Variants in BMP7 observed in about 807,000 individuals in gnomAD.
BMP7 encodes bone morphogenetic protein 7.
A neutral mutation model predicts 41.2 loss-of-function variants in BMP7; 12 were observed. The ratio of observed to expected loss-of-function variants is 0.29; its 90% CI spans 0.19 to 0.47. BMP7 has a LOEUF of 0.47. Ranked by LOEUF, BMP7 falls within the 20% of genes least tolerant of loss-of-function variation. The probability of loss-of-function intolerance (pLI) is 0.99; values close to 1 mark genes in which losing one functional copy is unlikely to be tolerated. For synonymous variants in BMP7, 248 were observed against 250.0 expected, an observed-to-expected ratio of 0.99 and a Z score of 0.07; for missense variants, 467 against 606.0, an observed-to-expected ratio of 0.77 and a Z score of 2.41.
intron 4 of BMP7, 52 bp from the exon 5 acceptor site, chr20:57,175,059 C>G: frequency 1.3e-6 from 2 of 1,548,292 alleles, no homozygotes; most frequent in Non-Finnish European, 1.8e-6. Flanking sequence ...GAAAGAAACA[C>G]ACACACATCA....
intron 1 of BMP7, among the ~76,000 whole-genome samples, chr20:57,255,799 C>CAAAAAAAAAAAAAAAAAAAAAAAAAA (rs3067106): frequency 2.1e-5 from 1 of 48,624 alleles, no homozygotes; most frequent in Non-Finnish European, 3.4e-5. Flanking sequence ...GACTCCATCT[C>CAAAAAAAAAAAAAAAAAAAAAAAAAA]AAAAAAAAAA....
chr20:57,223,848 A>G (rs1008249344), intron 2 of BMP7, among the ~76,000 whole-genome samples: 11 of 152,122 alleles, frequency 7.2e-5, no homozygotes, highest in African/African-American at 2.7e-4. Flanking sequence ...GAGTCTTGCT[A>G]CCAAGTCATG....
intron 1 of BMP7, chr20:57,243,832 A>C (rs2066079253): frequency 6.6e-6 from 1 of 151,948 alleles, no homozygotes; most frequent in South Asian, 2.1e-4. Flanking sequence ...TAGCCTAACT[A>C]CTGGGATTAT....
chr20:57,263,890 C>T (rs2066163113), intron 1 of BMP7, among the ~76,000 whole-genome samples: 1 of 152,142 alleles, frequency 6.6e-6, no homozygotes, highest in Non-Finnish European at 1.5e-5. Flanking sequence ...GCTATGCCCC[C>T]GCCTCTCTAC....
rs1024523305 is a variant in BMP7, at chr20:57,266,259, C to T, written c.-137G>A. The T allele has an allele frequency of 2.1e-5, 19 of 887,128 alleles. No homozygotes were observed. Among genetic ancestry groups the T allele is most frequent in the Non-Finnish European group, 2.7e-5 (18 of 664,174 alleles). The allele number at this position is 887,128 out of a possible 1,614,324, so 55.0% of individuals were successfully genotyped here. A position where few individuals can be genotyped will look rare whatever the true frequency, so the allele number is the denominator to read the frequency against. ...CCCGCTGCGCCCGCGCCAGACATGG[C>T]CCCTCCCCGGCCGGCCGCGCTCTGC... On this transcript the variant is annotated 5_prime_UTR_variant, in exon 1 of 7. Transcript: ENST00000395863.
intron 1 of BMP7, among the ~76,000 whole-genome samples, chr20:57,231,624 A>C (rs897260117): frequency 2.0e-5 from 3 of 152,218 alleles, no homozygotes; most frequent in Admixed American, 6.5e-5. Context: ...TCTGTTCTCC[A>C]CTGCAGCACA....
chr20:57,200,073 G>T (rs973468325), intron 3 of BMP7, among the ~76,000 whole-genome samples: 3 of 152,228 alleles, frequency 2.0e-5, no homozygotes, highest in African/African-American at 7.2e-5. Context: ...TCCATTTCCT[G>T]CCTGCACCAC....
At chr20:57,235,310 G>A (rs1043970773) in intron 1 of BMP7, among the ~76,000 whole-genome samples, 13 of 152,194 alleles carry the variant, frequency 8.5e-5, no homozygotes, top group African/African-American at 3.1e-4. Context: ...TTTGAGACAA[G>A]CTGTGCTGCA....
At chr20:57,187,322 C>A (rs573768747) in intron 3 of BMP7, among the ~76,000 whole-genome samples, 2 of 152,306 alleles carry the variant, frequency 1.3e-5, no homozygotes, top group South Asian at 2.1e-4. Flanking sequence ...ATCTGTCCCC[C>A]CTTTCCGTGA....
intron 1 of BMP7, chr20:57,244,000 G>A (rs79817221): frequency 0.031 from 4,761 of 152,340 alleles, 84 homozygotes; most frequent in Non-Finnish European, 0.041. Flanking sequence ...GCTGGGGCGC[G>A]TCACTCCTCT....
Position 57,266,464 on chromosome 20 carries a change from C to G in BMP7, c.-342G>C, listed in dbSNP as rs2066179533. ...CAGAGAGCCAACGCCGGGGAGGCAG[C>G]GAGGAGGCAGGCGGGCGGGCGAGCG... On this transcript the variant is annotated 5_prime_UTR_variant, in exon 1 of 7. Transcript: ENST00000395863. 1 of 174,626 alleles carries G rather than the reference C, an allele frequency of 5.7e-6. No homozygotes were observed. Among genetic ancestry groups the G allele is most frequent in the Admixed American group, 6.3e-5 (1 of 15,910 alleles). 10.8% of individuals were successfully genotyped at this position (174,626 alleles called of 1,614,324 possible).
intron 2 of BMP7, among the ~76,000 whole-genome samples, chr20:57,208,175 A>G (rs230199): frequency 0.44 from 66,974 of 152,076 alleles, 15,753 homozygotes; most frequent in South Asian, 0.56. Context: ...TCAACAGATA[A>G]TTCTTTCTTA....
chr20:57,237,178 A>T (rs752797683), intron 1 of BMP7, among the ~76,000 whole-genome samples: 2 of 152,188 alleles, frequency 1.3e-5, no homozygotes, highest in African/African-American at 2.4e-5. Context: ...AGCTCCAGTT[A>T]GGGGCCGGGG....
chr20:57,249,182 G>A (rs923283763), intron 1 of BMP7, among the ~76,000 whole-genome samples: 9 of 152,054 alleles, frequency 5.9e-5, no homozygotes, highest in African/African-American at 2.2e-4. Flanking sequence ...ATCTCTTATA[G>A]TATCTGCTGT....
intron 2 of BMP7, among the ~76,000 whole-genome samples, chr20:57,227,633 C>T (rs919244258): frequency 8.5e-5 from 13 of 152,144 alleles, no homozygotes; most frequent in African/African-American, 9.7e-5. Context: ...ATTTCTGCCT[C>T]GGGACTGTCT....
At chr20:57,250,747 C>T (rs1305168501) in intron 1 of BMP7, among the ~76,000 whole-genome samples, 1 of 152,122 alleles carries the variant, frequency 6.6e-6, no homozygotes, top group Non-Finnish European at 1.5e-5. Context: ...TTGCCTGTGC[C>T]CCCAGCCGGC....
chr20:57,213,907 G>A lies in BMP7; in HGVS notation c.612-11284C>T, dbSNP rs886065881. ...GAGAATGAGTTAAATGGAAAGATAT[G>A]CTCAAGATGCCAGCGCAAAGCCAGA... On this transcript the variant is annotated intron_variant, in intron 2 of 6. Transcript: ENST00000395863. The surrounding 1 kb of genome is among the most constrained non-coding windows in gnomAD (Gnocchi z 4.4). Among the ~76,000 whole-genome samples the A allele has an allele frequency of 6.6e-6, 1 of 152,204 alleles. No individual in the cohort carries two copies. Among genetic ancestry groups the A allele is most frequent in the African/African-American group, 2.4e-5 (1 of 41,448 alleles).
At position 57,265,946 on chromosome 20, in the gene BMP7, G is replaced by A. The variant is rs1461195771; in HGVS notation, c.177C>T (p.Leu59=). The change falls in exon 1 of 7, where the codon CTC becomes CTT. Residue 59 remains leucine, a synonymous_variant. Coordinates refer to ENST00000395863, the MANE Select transcript of BMP7 (RefSeq NM_001719.3). Reference sequence around the variant, plus strand: ...GGCGGTGGGGCAAGCCCAAAATGGAGAGGATCTCGCGCTGCATCTCCCGCC... The same window carrying A: ...GGCGGTGGGGCAAGCCCAAAATGGAAAGGATCTCGCGCTGCATCTCCCGCC... ...QERREMQREI[L]SILGLPHRPR... 1.9e-6 allele frequency: 3 copies of A among 1,553,688 alleles called. No individual in the cohort carries two copies. Among genetic ancestry groups the A allele is most frequent in the East Asian group, 4.9e-5 (2 of 41,214 alleles).
chr20:57,225,408 T>C (rs16984916), intron 2 of BMP7, among the ~76,000 whole-genome samples: 7,974 of 152,244 alleles, frequency 0.052, 671 homozygotes, highest in African/African-American at 0.18. Flanking sequence ...GCTGTGATGA[T>C]GATGATACTA....
Sources: allele counts gnomAD v4.1 joint callset (sites outside exome capture counted in the v4.1 genomes callset), GRCh38; gene constraint gnomAD v4.1.1; non-coding constraint Gnocchi (gnomAD v3.1); transcripts MANE v1.5; gene names NCBI Gene and HGNC (gene_info 2026-07-23, HGNC 2026-07-21).